Variants in CCNY observed in about 807,000 individuals in gnomAD.
CCNY encodes the protein cyclin-Y.
In CCNY, 19 loss-of-function variants were observed where a neutral mutation model predicts 42.8. The ratio of observed to expected loss-of-function variants is 0.44; its 90% CI spans 0.31 to 0.65. The LOEUF (loss-of-function observed/expected upper bound fraction) is 0.65. CCNY is among the 30% of genes least tolerant of loss of function. The pLI is 0.07. For synonymous variants in CCNY, 165 were observed against 162.7 expected, an observed-to-expected ratio of 1.01 and a Z score of -0.11; for missense variants, 370 against 437.3, an observed-to-expected ratio of 0.85 and a Z score of 1.37.
chr10:35,267,529 A>G (rs1352512265), intron 3 of CCNY, among the ~76,000 whole-genome samples: 1 of 152,130 alleles, frequency 6.6e-6, no homozygotes, highest in East Asian at 1.9e-4. Flanking sequence ...CTGACAGTCC[A>G]ACATGTCCAT....
chr10:35,266,871 A>G (rs7069103), intron 3 of CCNY, among the ~76,000 whole-genome samples: 35,164 of 151,764 alleles, frequency 0.23, 4,189 homozygotes, highest in South Asian at 0.29. Flanking sequence ...ATCTCCTGAG[A>G]TCAGGAGTTC....
chr10:35,284,683 A>G (rs146962952), intron 3 of CCNY, among the ~76,000 whole-genome samples: 10 of 150,930 alleles, frequency 6.6e-5, no homozygotes, highest in African/African-American at 2.4e-4. Flanking sequence ...TTCTTTTTCT[A>G]GTTTCTTGGG....
chr10:35,503,849 C>T (rs1840161357), intron 3 of CCNY, among the ~76,000 whole-genome samples: 1 of 152,174 alleles, frequency 6.6e-6, no homozygotes, highest in Non-Finnish European at 1.5e-5. Flanking sequence ...CCTCTGTGTT[C>T]CTCAGATAAT....
chr10:35,274,169 G>C (rs1164388121), intron 3 of CCNY, among the ~76,000 whole-genome samples: 3 of 152,188 alleles, frequency 2.0e-5, no homozygotes, highest in Non-Finnish European at 4.4e-5. Flanking sequence ...AGGAGCAAAG[G>C]CACGTCTTAC....
intron 1 of CCNY, among the ~76,000 whole-genome samples, chr10:35,478,468 C>T (rs1273355739): frequency 6.6e-6 from 1 of 151,588 alleles, no homozygotes; most frequent in Non-Finnish European, 1.5e-5. Context: ...AGAACAGAGC[C>T]CTCAGAAATA....
chr10:35,456,809 G>A (rs1385638639), intron 1 of CCNY, among the ~76,000 whole-genome samples: 1 of 152,114 alleles, frequency 6.6e-6, no homozygotes, highest in Non-Finnish European at 1.5e-5. Flanking sequence ...GGAAAATACT[G>A]TAGGTGATTA....
chr10:35,363,005 TC>T (rs1836724167), intron 1 of CCNY, among the ~76,000 whole-genome samples: 1 of 143,716 alleles, frequency 7.0e-6, no homozygotes, highest in South Asian at 2.2e-4. Flanking sequence ...GCGGAGACGC[TC>T]CTCACTTCCC....
chr10:35,268,547 A>G (rs895832545), intron 3 of CCNY, among the ~76,000 whole-genome samples: 1 of 152,032 alleles, frequency 6.6e-6, no homozygotes, highest in Admixed American at 6.6e-5. Context: ...TGGCCCCACA[A>G]GTCTAGGGTC....
chr10:35,476,996 A>G (rs1323941193), intron 1 of CCNY, among the ~76,000 whole-genome samples: 1 of 152,190 alleles, frequency 6.6e-6, no homozygotes, highest in Non-Finnish European at 1.5e-5. Flanking sequence ...CCATCAGAGA[A>G]TACTACAAAC....
intron 2 of CCNY, among the ~76,000 whole-genome samples, chr10:35,488,897 A>G (rs953389605): frequency 6.6e-6 from 1 of 152,212 alleles, no homozygotes; most frequent in Admixed American, 6.5e-5. Flanking sequence ...TTGTATTTCC[A>G]TACTATTTTC....
intron 1 of CCNY, among the ~76,000 whole-genome samples, chr10:35,481,153 C>T (rs182503596): frequency 1.3e-5 from 2 of 152,270 alleles, no homozygotes; most frequent in Non-Finnish European, 2.9e-5. Flanking sequence ...CATCGGTTTC[C>T]GTGTCAATAA....
chr10:35,403,336 TC>T (rs1837685074), intron 1 of CCNY, among the ~76,000 whole-genome samples: 1 of 152,168 alleles, frequency 6.6e-6, no homozygotes, highest in Non-Finnish European at 1.5e-5. Flanking sequence ...GGAGATATTT[TC>T]CTTGGTCTAA....
intron 1 of CCNY, among the ~76,000 whole-genome samples, chr10:35,417,251 C>A (rs1405600069): frequency 6.6e-6 from 1 of 152,184 alleles, no homozygotes; most frequent in Non-Finnish European, 1.5e-5. Context: ...TTGTGGATTG[C>A]AAAGAGGTGT....
intron 3 of CCNY, among the ~76,000 whole-genome samples, chr10:35,276,710 C>T (rs1433827344): frequency 6.6e-6 from 1 of 152,206 alleles, no homozygotes; most frequent in Non-Finnish European, 1.5e-5. Context: ...GAACAGTATC[C>T]CCTTTCATCA....
chr10:35,348,259 G>C (rs1292439300), intron 1 of CCNY, among the ~76,000 whole-genome samples: 1 of 152,192 alleles, frequency 6.6e-6, no homozygotes, highest in Non-Finnish European at 1.5e-5. Context: ...CCACTTTTCT[G>C]TAAGATAAGT....
At chr10:35,259,700 C>T (rs866140925) in intron 3 of CCNY, among the ~76,000 whole-genome samples, 6 of 126,000 alleles carry the variant, frequency 4.8e-5, no homozygotes, top group Admixed American at 2.8e-4. Context: ...TTTTTAGAGA[C>T]GAGGTTTGGC....
At chr10:35,459,976 A>G (rs1206169750) in intron 1 of CCNY, among the ~76,000 whole-genome samples, 1 of 152,216 alleles carries the variant, frequency 6.6e-6, no homozygotes, top group Non-Finnish European at 1.5e-5. Flanking sequence ...GTAGATATAA[A>G]TGCAGCCTAA....
chr10:35,403,053 C>T (rs933919815), intron 1 of CCNY, among the ~76,000 whole-genome samples: 7 of 121,698 alleles, frequency 5.8e-5, no homozygotes, highest in East Asian at 2.7e-4. Context: ...TTCCTGACTC[C>T]GGGCATGTGG....
chr10:35,396,798 T>G lies in CCNY; in HGVS notation c.154+59591T>G, dbSNP rs138525856. 2.6e-5 allele frequency among the ~76,000 whole-genome samples: 4 copies of G among 152,322 alleles called. No homozygotes were observed. In the East Asian group the frequency reaches 7.7e-4, roughly 29 times the overall value. ...CCCAGTGCCCCTGCAGTCCTCTTCG[T>G]GCTCTCCCCGTGAGGCTCCCAAGGC... On this transcript the variant is annotated intron_variant, in intron 1 of 9. Coordinates refer to ENST00000374704, the MANE Select transcript of CCNY (RefSeq NM_145012.6).
Sources: gnomAD v4.1 joint callset for allele counts (sites outside exome capture counted in the v4.1 genomes callset) on GRCh38, gnomAD v4.1.1 for gene constraint, MANE v1.5 for transcripts, NCBI Gene and HGNC (gene_info 2026-07-23, HGNC 2026-07-21) for gene names.